The following PCDHGB1 variants were observed in gnomAD, a reference collection of about 807,000 sequenced individuals.
The protein encoded by PCDHGB1 is protocadherin gamma-B1.
A neutral mutation model predicts 56.6 loss-of-function variants in PCDHGB1; 34 were observed. That is an observed-to-expected ratio of 0.60 (90% CI 0.46 to 0.80). The LOEUF (loss-of-function observed/expected upper bound fraction) is 0.80, where lower values mean the gene tolerates loss of function less well. PCDHGB1 is among the 30% of genes least tolerant of loss of function. The probability of loss-of-function intolerance (pLI) is 0.00; values close to 1 mark genes in which losing one functional copy is unlikely to be tolerated. For missense variants in PCDHGB1, 1,278 were observed against 1,204.6 expected, an observed-to-expected ratio of 1.06 and a Z score of -0.90; for synonymous variants, 561 against 505.9, an observed-to-expected ratio of 1.11 and a Z score of -1.46.
At chr5:141,468,403 A>C (rs2099166784) in intron 1 of PCDHGB1, 1 of 152,088 alleles carries the variant, frequency 6.6e-6, no homozygotes, top group African/African-American at 2.4e-5. Flanking sequence ...GGTGAGAACT[A>C]ATAATAAGTT....
chr5:141,400,311 T>A, intron 1 of PCDHGB1: 1 of 1,614,098 alleles, frequency 6.2e-7, no homozygotes, highest in Non-Finnish European at 8.5e-7. Flanking sequence ...CTGGTCTCTG[T>A]GTCAAGTCTG....
chr5:141,372,682 C>T, intron 1 of PCDHGB1: 1 of 1,614,010 alleles, frequency 6.2e-7, no homozygotes, highest in Non-Finnish European at 8.5e-7. Flanking sequence ...TCCTCAAACA[C>T]CGAGTTTAAA....
At chr5:141,428,175 G>A (rs766332920) in intron 1 of PCDHGB1, 20 of 1,508,456 alleles carry the variant, frequency 1.3e-5, no homozygotes, top group Non-Finnish European at 1.8e-5. Flanking sequence ...GTGCGTGACG[G>A]AGGACAGCCG....
chr5:141,512,942 C>T lies in PCDHGB1; in HGVS notation c.*1769C>T, dbSNP rs1596321854. 3.3e-5 allele frequency: 5 copies of T among 151,644 alleles called. No individual in the cohort carries two copies. The South Asian group carries it at 1.0e-3, about 32-fold the overall frequency. The allele number at this position is 151,644 out of a possible 1,614,324, so 9.4% of individuals were successfully genotyped here. On this transcript the variant is annotated 3_prime_UTR_variant, in exon 4 of 4. Transcript: ENST00000523390. Reference sequence around the variant, plus strand: ...TAATATTTATATGGCTTTTTTTCTTCGACAAAAAAATAATAAAACGTTTCT... The same window carrying T: ...TAATATTTATATGGCTTTTTTTCTTTGACAAAAAAATAATAAAACGTTTCT...
At chr5:141,433,377 A>ATCTG (rs1300427377) in intron 1 of PCDHGB1, among the ~76,000 whole-genome samples, 1 of 150,958 alleles carries the variant, frequency 6.6e-6, no homozygotes, top group Non-Finnish European at 1.5e-5. Context: ...CTATCTATCT[A>ATCTG]TCTATCTATC....
rs914956962 is a variant in PCDHGB1, at chr5:141,420,736, A to G, written c.2409+68067A>G. Among the ~76,000 whole-genome samples, 4 of 152,370 alleles carry G rather than the reference A, an allele frequency of 2.6e-5. No individual in the cohort carries two copies. In the East Asian group the frequency reaches 7.7e-4, roughly 29 times the overall value. On this transcript the variant is annotated intron_variant, in intron 1 of 3. Coordinates refer to ENST00000523390, the MANE Select transcript of PCDHGB1 (RefSeq NM_018922.3). ...TCGTTCCTTTCAGTCGGTTAAAATC[A>G]ATTGGAACCAACTACAACCTACAAG...
intron 1 of PCDHGB1, chr5:141,433,096 C>G: frequency 3.1e-6 from 5 of 1,614,118 alleles, no homozygotes; most frequent in Non-Finnish European, 4.2e-6. Flanking sequence ...CAGACATGCT[C>G]GTCAGCCAGG....
In PCDHGB1 at chr5:141,364,194, C is replaced by T. The variant is rs189249749; in HGVS notation, c.2409+11525C>T. The T allele has an allele frequency of 6.4e-5, 68 of 1,068,708 alleles. No homozygotes were observed. The Admixed American group carries it at 2.2e-3, about 35-fold the overall frequency. The allele number at this position is 1,068,708 out of a possible 1,614,324, so 66.2% of individuals were successfully genotyped here. A position where few individuals can be genotyped will look rare whatever the true frequency, so the allele number is the denominator to read the frequency against. On this transcript the variant is annotated intron_variant, in intron 1 of 3. Transcript: ENST00000523390. ...CTCTGCTCCCTCCATACTAAACACA[C>T]AGACCAGACAAGCTCCTACGAAAAG...
chr5:141,456,327 G>C (rs917430790), intron 1 of PCDHGB1, among the ~76,000 whole-genome samples: 1 of 152,186 alleles, frequency 6.6e-6, no homozygotes, highest in African/African-American at 2.4e-5. Flanking sequence ...TCCTGGGGTT[G>C]ATCTAAGGGT....
intron 1 of PCDHGB1, chr5:141,423,080 T>C: frequency 6.2e-7 from 1 of 1,614,050 alleles, no homozygotes; most frequent in East Asian, 2.2e-5. Flanking sequence ...CCGGGACTCT[T>C]CGCGGTGGGG....
chr5:141,383,159 C>A (rs769758778), intron 1 of PCDHGB1: 8 of 1,614,104 alleles, frequency 5.0e-6, no homozygotes, highest in Non-Finnish European at 5.9e-6. Context: ...TTGGTCACTG[C>A]GGGCAGGATA....
chr5:141,488,885 T>C (rs1401230063), intron 1 of PCDHGB1, among the ~76,000 whole-genome samples: 1 of 152,194 alleles, frequency 6.6e-6, no homozygotes, highest in Admixed American at 6.5e-5. Flanking sequence ...GAAGCTTCTG[T>C]GACACAGATT....
intron 1 of PCDHGB1, among the ~76,000 whole-genome samples, chr5:141,460,508 G>C (rs1390313220): frequency 6.6e-6 from 1 of 152,040 alleles, no homozygotes; most frequent in East Asian, 1.9e-4. Context: ...TGCTGAGAAG[G>C]CTATCTTTTC....
chr5:141,468,360 A>T (rs1249822461), intron 1 of PCDHGB1: 1 of 151,938 alleles, frequency 6.6e-6, no homozygotes, highest in East Asian at 1.9e-4. Flanking sequence ...GAAAGAAAAA[A>T]GAAATAACTC....
intron 1 of PCDHGB1, chr5:141,404,551 G>A (rs764332245): frequency 1.9e-5 from 31 of 1,613,748 alleles, no homozygotes; most frequent in African/African-American, 1.1e-4. Flanking sequence ...TGCAGGTGAC[G>A]GCAAGTGACA....
chr5:141,355,305 GT>G (rs775367993), intron 1 of PCDHGB1: 5 of 1,613,846 alleles, frequency 3.1e-6, no homozygotes, highest in Non-Finnish European at 3.4e-6. Context: ...TCTACTCGGT[GT>G]TTGAGGAGCA....
intron 1 of PCDHGB1, chr5:141,375,823 C>A (rs1771937674): frequency 6.2e-7 from 1 of 1,614,098 alleles, no homozygotes; most frequent in African/African-American, 1.3e-5. Context: ...TGGCGCCCCG[C>A]TCCGCAGAGC....
At chr5:141,357,493 A>G in intron 1 of PCDHGB1, 1 of 1,614,200 alleles carries the variant, frequency 6.2e-7, no homozygotes, top group Non-Finnish European at 8.5e-7. Flanking sequence ...GGACTCGCGG[A>G]AGAGTCACCT....
intron 1 of PCDHGB1, chr5:141,371,188 T>A (rs1206989931): frequency 6.2e-7 from 1 of 1,614,030 alleles, no homozygotes; most frequent in South Asian, 1.1e-5. Flanking sequence ...TTAAAAGTGA[T>A]GGCCATTGAC....
Sources: gnomAD v4.1 joint callset for allele counts (sites outside exome capture counted in the v4.1 genomes callset) on GRCh38, gnomAD v4.1.1 for gene constraint, MANE v1.5 for transcripts, NCBI Gene and HGNC (gene_info 2026-07-23, HGNC 2026-07-21) for gene names.